Variants in TRIM23 observed in about 807,000 individuals in gnomAD.
The protein encoded by TRIM23 is E3 ubiquitin-protein ligase TRIM23.
TRIM23 carries 27 observed loss-of-function variants against 71.0 expected under a neutral mutation model. The observed-to-expected ratio is 0.38, with a 90% confidence interval of 0.28 to 0.52. The LOEUF (loss-of-function observed/expected upper bound fraction) is 0.52. Among genes scored for constraint, TRIM23 ranks in the 20% least tolerant of loss-of-function variants. The pLI is 0.84. For synonymous variants in TRIM23, 234 were observed against 238.0 expected (o/e 0.98, Z 0.16); for missense variants, 482 against 692.3 (o/e 0.70, Z 3.41).
chr5:65,606,802 C>T (rs891368549), intron 6 of TRIM23: 4 of 152,346 alleles, frequency 2.6e-5, no homozygotes, highest in African/African-American at 7.2e-5. Flanking sequence ...GCTGTACAAA[C>T]ATAAACATGT....
chr5:65,620,470 A>G (rs992498307), intron 1 of TRIM23, among the ~76,000 whole-genome samples: 1 of 152,258 alleles, frequency 6.6e-6, no homozygotes, highest in Non-Finnish European at 1.5e-5. Flanking sequence ...ACTATATAGG[A>G]TAGTGAGAAA....
At chr5:65,599,964 G>GC (rs1754316150) in intron 7 of TRIM23, among the ~76,000 whole-genome samples, 1 of 152,132 alleles carries the variant, frequency 6.6e-6, no homozygotes, top group Non-Finnish European at 1.5e-5. Context: ...CATGATGCTG[G>GC]CATCAGCTTG....
intron 7 of TRIM23, among the ~76,000 whole-genome samples, chr5:65,600,151 G>A (rs996921697): frequency 5.3e-5 from 8 of 152,142 alleles, no homozygotes; most frequent in African/African-American, 1.9e-4. Flanking sequence ...CAAGGGGGAT[G>A]ATACTAAACC....
intron 10 of TRIM23, 68 bp downstream of exon 10, chr5:65,594,453 T>C: frequency 2.6e-6 from 4 of 1,515,344 alleles, no homozygotes; most frequent in Non-Finnish European, 3.6e-6. Flanking sequence ...TCTTCTGAAA[T>C]ATTTCCAGTT....
chr5:65,614,247 A>G, intron 2 of TRIM23, 28 bp from the exon 3 acceptor site: 1 of 1,590,688 alleles, frequency 6.3e-7, no homozygotes, highest in Non-Finnish European at 8.6e-7. Flanking sequence ...ACAAAAACTA[A>G]ATCTAACAAA....
chr5:65,618,714 T>C (rs1754839776), intron 1 of TRIM23, among the ~76,000 whole-genome samples: 1 of 152,216 alleles, frequency 6.6e-6, no homozygotes, highest in South Asian at 2.1e-4. Flanking sequence ...CTGCAAATGA[T>C]AAAGAACTTG....
At position 65,610,990 on chromosome 5, in the gene TRIM23, CA is replaced by C. The variant is rs1294942704; in HGVS notation, c.698del (p.Met233ArgfsTer19). ...ANQIRASILDMAHCIRTFTEE... is the reference protein window; with the variant it reads ...ANQIRASILDXAHCIRTFTEE... ...CTGTGAAGGTCCGTATGCAGTGAGCCATATCTAAAATTGATGCTCGGATCTG... is the reference window on the plus strand; with the variant it reads ...CTGTGAAGGTCCGTATGCAGTGAGCCTATCTAAAATTGATGCTCGGATCTG... On this transcript the variant is annotated frameshift_variant, in exon 5 of 11. Transcript: ENST00000231524. LOFTEE classifies it high-confidence loss of function. The C allele has an allele frequency of 6.2e-7, 1 of 1,613,428 alleles. No individual in the cohort carries two copies. Among genetic ancestry groups the C allele is most frequent in the Admixed American group, 1.7e-5 (1 of 59,868 alleles).
intron 9 of TRIM23, among the ~76,000 whole-genome samples, chr5:65,595,280 G>A (rs757289231): frequency 6.6e-6 from 1 of 151,956 alleles, no homozygotes; most frequent in Non-Finnish European, 1.5e-5. Context: ...GAATGTGGCC[G>A]GGCGCGGTGG....
At chr5:65,609,698 C>A (rs1273992425) in intron 5 of TRIM23, among the ~76,000 whole-genome samples, 4 of 152,070 alleles carry the variant, frequency 2.6e-5, no homozygotes, top group Non-Finnish European at 4.4e-5. Context: ...ACACTGCATG[C>A]CAGCCTGGGT....
chr5:65,611,009 C>T lies in TRIM23; in HGVS notation c.680G>A (p.Arg227Gln), dbSNP rs754030389. The part of the protein sequence containing the change: ...SVLEPEANQI[R>Q]ASILDMAHCI... ...GTGAGCCATATCTAAAATTGATGCT[C>T]GGATCTGATTAGCTTCTGGTTCCAA... Residue 227 changes from arginine to glutamine, a missense_variant, in exon 5 of 11, where the codon CGA becomes CAA. Arg to Gln is a conservative substitution (Grantham distance 43). Coordinates refer to ENST00000231524, the MANE Select transcript of TRIM23 (RefSeq NM_001656.4). 3.1e-6 allele frequency: 5 copies of T among 1,613,064 alleles called. No homozygotes were observed. Among genetic ancestry groups the T allele is most frequent in the Non-Finnish European group, 4.2e-6 (5 of 1,179,792 alleles).
chr5:65,608,663 T>C (rs900308678), intron 6 of TRIM23, among the ~76,000 whole-genome samples: 2 of 152,196 alleles, frequency 1.3e-5, no homozygotes, highest in African/African-American at 4.8e-5. Flanking sequence ...AAAGCTGACA[T>C]TTGTGTTAGA....
chr5:65,592,021 A>T, intron 10 of TRIM23, 73 bp from the exon 11 acceptor site: 2 of 1,440,890 alleles, frequency 1.4e-6, no homozygotes, highest in Non-Finnish European at 1.9e-6. Context: ...CCATTTATAG[A>T]GAAATTTGTT....
chr5:65,608,026 G>A (rs1360236744), intron 6 of TRIM23, among the ~76,000 whole-genome samples: 4 of 152,180 alleles, frequency 2.6e-5, no homozygotes, highest in African/African-American at 7.2e-5. Context: ...CTGTTAACTA[G>A]GTGTAGTTAT....
chr5:65,605,426 A>T (rs1183069835), intron 6 of TRIM23, among the ~76,000 whole-genome samples: 2 of 152,214 alleles, frequency 1.3e-5, no homozygotes, highest in African/African-American at 4.8e-5. Context: ...ATAGTGGTTT[A>T]TCATGGTGGG....
At chr5:65,619,579 G>C (rs905680744) in intron 1 of TRIM23, among the ~76,000 whole-genome samples, 1 of 152,180 alleles carries the variant, frequency 6.6e-6, no homozygotes, top group Non-Finnish European at 1.5e-5. Flanking sequence ...TAGTGCTTGA[G>C]ATGCAAATAT....
chr5:65,616,865 G>A (rs975934276), intron 2 of TRIM23, among the ~76,000 whole-genome samples: 1 of 151,694 alleles, frequency 6.6e-6, no homozygotes, highest in African/African-American at 2.4e-5. Flanking sequence ...GGGATTACAG[G>A]CATCCACCAC....
chr5:65,604,742 T>C, intron 7 of TRIM23, 169 bp downstream of exon 7: 1 of 507,058 alleles, frequency 2.0e-6, no homozygotes, highest in Non-Finnish European at 3.3e-6. Context: ...TTTTAGTATA[T>C]GTGCTGCCGA....
intron 4 of TRIM23, 144 bp from the exon 5 acceptor site, chr5:65,611,187 C>T: frequency 1.3e-6 from 1 of 751,720 alleles, no homozygotes; most frequent in South Asian, 2.4e-5. Context: ...ACTTTCACTC[C>T]TTTATAAGAA....
chr5:65,619,047 T>A (rs1754848957), intron 1 of TRIM23, among the ~76,000 whole-genome samples: 1 of 152,234 alleles, frequency 6.6e-6, no homozygotes. Context: ...AGTATATTTG[T>A]AGTGTTTCAT....
Sources: gnomAD v4.1 joint callset for allele counts (sites outside exome capture counted in the v4.1 genomes callset) on GRCh38, gnomAD v4.1.1 for gene constraint, MANE v1.5 for transcripts, NCBI Gene and HGNC (gene_info 2026-07-23, HGNC 2026-07-21) for gene names.